AKT3: variants seen among roughly 807,000 people sequenced by gnomAD.
AKT3 encodes AKT serine/threonine kinase 3.
In AKT3, 15 loss-of-function variants were observed where a neutral mutation model predicts 65.3. That is an observed-to-expected ratio of 0.23 (90% CI 0.15 to 0.35). The LOEUF is 0.35. Among genes scored for constraint, AKT3 ranks in the 10% least tolerant of loss-of-function variants. The pLI, the probability that AKT3 is intolerant of heterozygous loss-of-function variation, is 1.00. For synonymous variants in AKT3, 206 were observed against 183.8 expected (o/e 1.12, Z -0.98); for missense variants, 243 against 576.5 (o/e 0.42, Z 5.92).
At chr1:243,789,740 C>T (rs1691499498) in intron 2 of AKT3, among the ~76,000 whole-genome samples, 1 of 152,140 alleles carries the variant, frequency 6.6e-6, no homozygotes, top group African/African-American at 2.4e-5. Flanking sequence ...ATGGCAGCAG[C>T]CATACCCTTA....
In AKT3 at chr1:243,597,253, G is replaced by A. The variant is rs144743672; in HGVS notation, c.696+16418C>T. 1.5e-3 allele frequency among the ~76,000 whole-genome samples: 232 copies of A among 152,140 alleles called. 1 individual carries two copies. The highest frequency in any genetic ancestry group is 5.3e-3 in the African/African-American group (220 of 41,512). ...ACTAAAAAATGAAAACAACCTAAAC[G>A]TTCAATGATTTGGGAAGGTTTTAAT... On this transcript the variant is annotated intron_variant, in intron 8 of 13. Coordinates refer to ENST00000673466, the MANE Select transcript of AKT3 (RefSeq NM_005465.7).
chr1:243,803,744 A>T (rs1449196429), intron 2 of AKT3, among the ~76,000 whole-genome samples: 1 of 151,886 alleles, frequency 6.6e-6, no homozygotes, highest in Non-Finnish European at 1.5e-5. Context: ...ACTCCCCGAC[A>T]ACTCATAACC....
In AKT3 at chr1:243,504,830, T is replaced by A. The variant is rs990829608; in HGVS notation, c.*419A>T. ...CTAAATCTTCTTAGTCTAGTTAGTT[T>A]TTCTCTTCTAGAAAGTTAAAAAATG... On this transcript the variant is annotated 3_prime_UTR_variant, in exon 14 of 14. Coordinates refer to ENST00000673466, the MANE Select transcript of AKT3 (RefSeq NM_005465.7). 1.8e-5 allele frequency: 4 copies of A among 219,218 alleles called. No individual in the cohort carries two copies. Among genetic ancestry groups the A allele is most frequent in the Non-Finnish European group, 3.7e-5 (4 of 109,576 alleles). The allele number at this position is 219,218 out of a possible 1,614,324, so 13.6% of individuals were successfully genotyped here. A position where few individuals can be genotyped will look rare whatever the true frequency, so the allele number is the denominator to read the frequency against.
chr1:243,787,411 G>C (rs1426761050), intron 2 of AKT3, among the ~76,000 whole-genome samples: 1 of 152,010 alleles, frequency 6.6e-6, no homozygotes, highest in Non-Finnish European at 1.5e-5. Flanking sequence ...TCTTTATTCA[G>C]TGACTGCCAG....
chr1:243,533,904 A>T (rs556476827), intron 12 of AKT3, among the ~76,000 whole-genome samples: 193 of 152,074 alleles, frequency 1.3e-3, no homozygotes, highest in Non-Finnish European at 2.3e-3. Flanking sequence ...GCAGGAGAAT[A>T]GTGTGAAGCC....
chr1:243,773,215 T>C (rs1690311723), intron 2 of AKT3, among the ~76,000 whole-genome samples: 1 of 147,668 alleles, frequency 6.8e-6, no homozygotes, highest in African/African-American at 2.5e-5. Flanking sequence ...AAAATATATA[T>C]ATATATATAT....
intron 2 of AKT3, among the ~76,000 whole-genome samples, chr1:243,717,613 A>G (rs1231206379): frequency 6.6e-6 from 1 of 152,196 alleles, no homozygotes; most frequent in African/African-American, 2.4e-5. Flanking sequence ...TCTATGCTCA[A>G]GAGTTTCAAA....
intron 2 of AKT3, among the ~76,000 whole-genome samples, chr1:243,763,241 TA>T (rs1689604698): frequency 6.6e-6 from 1 of 152,084 alleles, no homozygotes; most frequent in African/African-American, 2.4e-5. Context: ...TTTTATCAAT[TA>T]AAAATGATAT....
chr1:243,745,297 G>A (rs972412385), intron 2 of AKT3, among the ~76,000 whole-genome samples: 1 of 152,126 alleles, frequency 6.6e-6, no homozygotes, highest in African/African-American at 2.4e-5. Context: ...CTATGATCAT[G>A]CCACTGCACT....
At chr1:243,640,809 T>C (rs933557293) in intron 5 of AKT3, among the ~76,000 whole-genome samples, 1 of 152,192 alleles carries the variant, frequency 6.6e-6, no homozygotes, top group African/African-American at 2.4e-5. Context: ...GATATTTACA[T>C]GGCTATTGTT....
intron 8 of AKT3, among the ~76,000 whole-genome samples, chr1:243,597,659 C>A (rs1405787487): frequency 6.6e-6 from 1 of 152,136 alleles, no homozygotes; most frequent in Non-Finnish European, 1.5e-5. Context: ...GGCTACCACA[C>A]CTGGCTAATT....
At chr1:243,609,310 T>G (rs1452031523) in intron 8 of AKT3, among the ~76,000 whole-genome samples, 1 of 148,604 alleles carries the variant, frequency 6.7e-6, no homozygotes, top group African/African-American at 2.5e-5. Flanking sequence ...CTAAAGTTAT[T>G]AAATATAAAT....
At chr1:243,808,088 A>G (rs1296429643) in intron 2 of AKT3, 1 of 152,232 alleles carries the variant, frequency 6.6e-6, no homozygotes, top group Non-Finnish European at 1.5e-5. Flanking sequence ...GGAAAAAAAG[A>G]GCAGAAAAAC....
At chr1:243,710,753 T>C (rs1484510325) in intron 2 of AKT3, among the ~76,000 whole-genome samples, 1 of 152,222 alleles carries the variant, frequency 6.6e-6, no homozygotes, top group African/African-American at 2.4e-5. Context: ...TTTACTTCTC[T>C]AAGAAAACAC....
Position 243,700,718 on chromosome 1 carries a change from G to A in AKT3, c.47-5002C>T, listed in dbSNP as rs545075651. On this transcript the variant is annotated intron_variant, in intron 2 of 13. Coordinates refer to ENST00000673466, the MANE Select transcript of AKT3 (RefSeq NM_005465.7). ...AGGGTTTCACCATGTTGGCCAGGATGGTCTCGATCCCTTGACCTCATGATC... is the reference window on the plus strand; with the variant it reads ...AGGGTTTCACCATGTTGGCCAGGATAGTCTCGATCCCTTGACCTCATGATC... Among the ~76,000 whole-genome samples, 265 of 152,136 alleles carry A rather than the reference G, an allele frequency of 1.7e-3. 2 individuals carry two copies. The highest frequency in any genetic ancestry group is 6.0e-3 in the African/African-American group (250 of 41,500).
intron 12 of AKT3, among the ~76,000 whole-genome samples, chr1:243,544,910 T>C (rs189906329): frequency 1.3e-5 from 2 of 151,764 alleles, no homozygotes; most frequent in Admixed American, 1.3e-4. Context: ...TTGCCCATGC[T>C]GGTCTCAAAA....
intron 8 of AKT3, chr1:243,612,425 A>C (rs1677940853): frequency 6.6e-6 from 1 of 152,218 alleles, no homozygotes. Flanking sequence ...TGAATGAATG[A>C]AGTTTTGCAA....
chr1:243,570,159 C>T (rs1390113391), intron 9 of AKT3, among the ~76,000 whole-genome samples: 1 of 152,162 alleles, frequency 6.6e-6, no homozygotes, highest in Non-Finnish European at 1.5e-5. Context: ...TTAACCTGCA[C>T]ATAAAAGAAG....
intron 8 of AKT3, among the ~76,000 whole-genome samples, chr1:243,599,545 C>T (rs1676862440): frequency 6.6e-6 from 1 of 152,022 alleles, no homozygotes; most frequent in Non-Finnish European, 1.5e-5. Flanking sequence ...AGTGACACAG[C>T]ATATTGTTTG....
Sources: allele counts gnomAD v4.1 joint callset (sites outside exome capture counted in the v4.1 genomes callset), GRCh38; gene constraint gnomAD v4.1.1; transcripts MANE v1.5; gene names NCBI Gene and HGNC (gene_info 2026-07-23, HGNC 2026-07-21).